KCNN3: variants seen among roughly 807,000 people sequenced by gnomAD.
KCNN3 encodes potassium calcium-activated channel subfamily N member 3.
Under a neutral mutation model 62.9 loss-of-function variants are expected in KCNN3, and 16 were observed. The observed-to-expected ratio is 0.25, with a 90% CI of 0.17 to 0.39. KCNN3 has a LOEUF of 0.39. Among genes scored for constraint, KCNN3 ranks in the 10% least tolerant of loss-of-function variants. The pLI, the probability that KCNN3 is intolerant of heterozygous loss-of-function variation, is 1.00. For missense variants in KCNN3, 599 were observed against 949.4 expected, an observed-to-expected ratio of 0.63 and a Z score of 4.85; for synonymous variants, 370 against 389.2, an observed-to-expected ratio of 0.95 and a Z score of 0.58.
At chr1:154,728,172 G>A (rs1700509687) in intron 4 of KCNN3, among the ~76,000 whole-genome samples, 1 of 152,198 alleles carries the variant, frequency 6.6e-6, no homozygotes, top group Admixed American at 6.5e-5. Flanking sequence ...CCACATTTTA[G>A]CTGGCTGATT....
chr1:154,746,401 C>T (rs922894135), intron 3 of KCNN3, among the ~76,000 whole-genome samples: 6 of 151,926 alleles, frequency 3.9e-5, no homozygotes, highest in Admixed American at 2.6e-4. Context: ...AGAAGCAGGG[C>T]GGGGAAAGAA....
intron 1 of KCNN3, among the ~76,000 whole-genome samples, chr1:154,832,275 G>T (rs924597896): frequency 1.3e-5 from 2 of 151,634 alleles, no homozygotes; most frequent in Admixed American, 1.3e-4. Flanking sequence ...TACTCTTGTG[G>T]TGTCAAGAAG....
At chr1:154,719,885 C>T (rs1218120988) in intron 5 of KCNN3, among the ~76,000 whole-genome samples, 3 of 152,182 alleles carry the variant, frequency 2.0e-5, no homozygotes, top group Non-Finnish European at 4.4e-5. Context: ...GAGGCCCTCA[C>T]TGACCACTTA....
At chr1:154,721,382 C>T (rs1216031203) in intron 5 of KCNN3, among the ~76,000 whole-genome samples, 2 of 150,390 alleles carry the variant, frequency 1.3e-5, no homozygotes, top group Non-Finnish European at 2.9e-5. Flanking sequence ...TCACTGTAAC[C>T]TCCGCCTCCT....
At chr1:154,867,492 C>T (rs1652998586) in intron 1 of KCNN3, among the ~76,000 whole-genome samples, 1 of 152,092 alleles carries the variant, frequency 6.6e-6, no homozygotes, top group African/African-American at 2.4e-5. Context: ...GGTCGTCTGA[C>T]AGGTCTGCCC....
rs150655261 is a variant in KCNN3, at chr1:154,812,507, G to A, written c.1029+9582C>T. ...CCACCTGTGAGTGAGAACATGCGGT[G>A]TTTGGTTTTTTGTCCTTGCGATAGT... On this transcript the variant is annotated intron_variant, in intron 2 of 7. Transcript: ENST00000271915. 6.0e-3 allele frequency among the ~76,000 whole-genome samples: 908 copies of A among 152,132 alleles called. 8 individuals are homozygous for A. Among genetic ancestry groups the A allele is most frequent in the African/African-American group, 0.021 (873 of 41,490 alleles).
chr1:154,808,784 A>G (rs185555399), intron 2 of KCNN3, among the ~76,000 whole-genome samples: 1 of 152,204 alleles, frequency 6.6e-6, no homozygotes, highest in East Asian at 1.9e-4. Context: ...TCAAATCGAT[A>G]TGGTTTCTAG....
intron 2 of KCNN3, among the ~76,000 whole-genome samples, chr1:154,786,646 G>A (rs528038731): frequency 1.1e-4 from 16 of 152,302 alleles, no homozygotes; most frequent in African/African-American, 3.8e-4. Context: ...GTACATTTTT[G>A]TATAAGCACA....
intron 1 of KCNN3, among the ~76,000 whole-genome samples, chr1:154,846,977 C>T (rs1417010179): frequency 3.3e-5 from 5 of 152,174 alleles, no homozygotes; most frequent in Admixed American, 1.3e-4. Context: ...GCACCGGACT[C>T]GGAGTCTTCC....
At chr1:154,730,721 A>G (rs1222699509) in intron 4 of KCNN3, among the ~76,000 whole-genome samples, 1 of 152,198 alleles carries the variant, frequency 6.6e-6, no homozygotes, top group Admixed American at 6.5e-5. Context: ...GTTTTGTACA[A>G]AAAGAGATGA....
chr1:154,710,709 AGAC>A (rs1700056279), intron 7 of KCNN3, among the ~76,000 whole-genome samples: 1 of 152,238 alleles, frequency 6.6e-6, no homozygotes, highest in Admixed American at 6.5e-5. Context: ...TCTCAAAAGA[AGAC>A]ATTTATGCAG....
At chr1:154,859,012 G>A (rs1652648977) in intron 1 of KCNN3, among the ~76,000 whole-genome samples, 2 of 152,146 alleles carry the variant, frequency 1.3e-5, no homozygotes, top group African/African-American at 4.8e-5. Flanking sequence ...GGGCAGGTAT[G>A]GTGCCCCCCT....
At chr1:154,726,625 C>A (rs573372620) in intron 4 of KCNN3, among the ~76,000 whole-genome samples, 2 of 152,226 alleles carry the variant, frequency 1.3e-5, no homozygotes, top group Admixed American at 1.3e-4. Flanking sequence ...ACTGTGCCTG[C>A]TCTACACTTG....
At chr1:154,861,057 C>T (rs994054617) in intron 1 of KCNN3, among the ~76,000 whole-genome samples, 5 of 147,890 alleles carry the variant, frequency 3.4e-5, no homozygotes, top group Non-Finnish European at 5.9e-5. Context: ...CGGGTTCAAG[C>T]GATTCTCCAG....
At chr1:154,827,875 G>C (rs1006934693) in intron 1 of KCNN3, among the ~76,000 whole-genome samples, 2 of 152,086 alleles carry the variant, frequency 1.3e-5, no homozygotes, top group Non-Finnish European at 2.9e-5. Context: ...CCTCAGAGCG[G>C]CTTCCCAACC....
chr1:154,756,527 C>T (rs1015765388), intron 3 of KCNN3, among the ~76,000 whole-genome samples: 1 of 151,990 alleles, frequency 6.6e-6, no homozygotes, highest in Admixed American at 6.5e-5. Flanking sequence ...ACTCCTTCCC[C>T]CCGGCTCCTT....
intron 2 of KCNN3, among the ~76,000 whole-genome samples, chr1:154,821,683 A>G (rs1650906425): frequency 6.6e-6 from 1 of 152,250 alleles, no homozygotes; most frequent in Non-Finnish European, 1.5e-5. Context: ...GTGGGGGTAC[A>G]CAAGGCAGGT....
chr1:154,838,527 C>G (rs1012690140), intron 1 of KCNN3, among the ~76,000 whole-genome samples: 3 of 152,202 alleles, frequency 2.0e-5, no homozygotes, highest in Admixed American at 6.5e-5. Flanking sequence ...GTTGCTCACA[C>G]TCCTTCAAAA....
At chr1:154,820,540 C>T (rs1294075639) in intron 2 of KCNN3, among the ~76,000 whole-genome samples, 2 of 152,186 alleles carry the variant, frequency 1.3e-5, no homozygotes, top group African/African-American at 2.4e-5. Flanking sequence ...CTGGATCCCG[C>T]GGCTGGCTTT....
Sources: gnomAD v4.1 joint callset for allele counts (sites outside exome capture counted in the v4.1 genomes callset) on GRCh38, gnomAD v4.1.1 for gene constraint, MANE v1.5 for transcripts, NCBI Gene and HGNC (gene_info 2026-07-23, HGNC 2026-07-21) for gene names.